Variants in FAAP20 observed in about 807,000 individuals in gnomAD.
The protein encoded by FAAP20 is FA core complex associated protein 20.
Under a neutral mutation model 16.2 loss-of-function variants are expected in FAAP20, and 12 were observed. The observed-to-expected ratio is 0.74, with a 90% CI of 0.48 to 1.20. The LOEUF (loss-of-function observed/expected upper bound fraction) is 1.20. Among genes scored for constraint, FAAP20 ranks in the 50% most tolerant of loss-of-function variants. The pLI, the probability that FAAP20 is intolerant of heterozygous loss-of-function variation, is 0.00. For missense variants in FAAP20, 288 were observed against 245.8 expected, an observed-to-expected ratio of 1.17 and a Z score of -1.15; for synonymous variants, 141 against 110.7, an observed-to-expected ratio of 1.27 and a Z score of -1.72.
upstream of FAAP20, chr1:2,198,254 A>G: frequency 3.7e-6 from 4 of 1,091,834 alleles, no homozygotes; most frequent in Non-Finnish European, 4.8e-6. Context: ...GGGAGTTTGC[A>G]TCCCAGGCAG....
chr1:2,185,569 G>T, downstream of FAAP20: 1 of 708,996 alleles, frequency 1.4e-6, no homozygotes, highest in Non-Finnish European at 2.6e-6. Context: ...GTAAGTTCCT[G>T]TTGTTCTTCC....
At chr1:2,194,459 G>T (rs1201145702) in intron 1 of FAAP20, among the ~76,000 whole-genome samples, 4 of 143,948 alleles carry the variant, frequency 2.8e-5, no homozygotes, top group African/African-American at 1.0e-4. Flanking sequence ...ACGCGATGAT[G>T]GGAGAGGCGC....
At chr1:2,192,015 G>A (rs1227104768) in intron 3 of FAAP20, 17 of 985,406 alleles carry the variant, frequency 1.7e-5, no homozygotes, top group Non-Finnish European at 1.9e-5. Context: ...AGAAATGGGA[G>A]GCCTCCTGGC....
upstream of FAAP20, among the ~76,000 whole-genome samples, chr1:2,201,818 C>A (rs1217385748): frequency 6.6e-6 from 1 of 151,950 alleles, no homozygotes; most frequent in African/African-American, 2.4e-5. Flanking sequence ...GAGCTTGAGA[C>A]CATCTTGGCT....
At chr1:2,211,290 C>G (rs1166843847), downstream of FAAP20, among the ~76,000 whole-genome samples, 1 of 132,256 alleles carries the variant, frequency 7.6e-6, no homozygotes, top group Non-Finnish European at 1.6e-5. Flanking sequence ...AGTGCAGTCG[C>G]GCGATCTCGG....
At chr1:2,207,164 A>C (rs1689289237) in intron 1 of FAAP20, among the ~76,000 whole-genome samples, 1 of 152,114 alleles carries the variant, frequency 6.6e-6, no homozygotes, top group African/African-American at 2.4e-5. Flanking sequence ...TGCCTGGCCC[A>C]AGGGAGCTGG....
chr1:2,189,084 C>G (rs1288109374), downstream of FAAP20, among the ~76,000 whole-genome samples: 2 of 151,242 alleles, frequency 1.3e-5, no homozygotes, highest in Non-Finnish European at 2.9e-5. Context: ...AATCCCAGCA[C>G]TTCAGGAAGC....
At chr1:2,190,788 G>C (rs1487942808) in intron 3 of FAAP20, 1 of 259,420 alleles carries the variant, frequency 3.9e-6, no homozygotes, top group Admixed American at 4.7e-5. Flanking sequence ...AAGTCCACAG[G>C]ACACGTGTCC....
At position 2,193,716 on chromosome 1, in the gene FAAP20, C is replaced by G; in HGVS notation, c.393G>C (p.Arg131Ser). ...CCTCCACAGACGGCTGCTGCTCCAC[C>G]CTGGGGGCCCTGCAGGGATCAGGTG... Reference protein sequence around the residue: ...RPAPDPCRAPRVEQQPSVEGA... With the variant: ...RPAPDPCRAPSVEQQPSVEGA... The change falls in exon 3 of 4, where the codon AGG (arginine) becomes AGC (serine). Residue 131 changes from arginine (R) to serine (S), a missense_variant. Arg to Ser is a moderately radical substitution (Grantham distance 110, BLOSUM62 -1). Coordinates refer to ENST00000378546, the MANE Select transcript of FAAP20 (RefSeq NM_182533.4). The G allele has an allele frequency of 6.3e-7, 1 of 1,590,054 alleles. No homozygotes were observed. The highest frequency in any genetic ancestry group is 8.5e-7 in the Non-Finnish European group (1 of 1,172,460).
At chr1:2,194,260 C>A in intron 1 of FAAP20, 127 bp from the exon 2 acceptor site, 3 of 1,041,340 alleles carry the variant, frequency 2.9e-6, no homozygotes, top group African/African-American at 2.1e-5. Flanking sequence ...TTCGATGGTG[C>A]GGGAGGTGGC....
At chr1:2,192,483 T>C in intron 3 of FAAP20, 1 of 997,928 alleles carries the variant, frequency 1.0e-6, no homozygotes, top group South Asian at 4.3e-5. Context: ...GAAGTCTTTT[T>C]TTAGACTATC....
chr1:2,186,064 G>T (rs1687547661), downstream of FAAP20: 1 of 453,936 alleles, frequency 2.2e-6, no homozygotes, highest in African/African-American at 2.0e-5. Flanking sequence ...GCTGCCAGCT[G>T]CCAGGTGTCA....
chr1:2,202,029 A>C (rs190599264), upstream of FAAP20, among the ~76,000 whole-genome samples: 575 of 152,028 alleles, frequency 3.8e-3, 17 homozygotes, highest in East Asian at 0.081. Context: ...AAAAAAAAAA[A>C]AAAGAAGAAG....
At chr1:2,184,782 G>A, downstream of FAAP20, 1 of 1,441,620 alleles carries the variant, frequency 6.9e-7, no homozygotes, top group Non-Finnish European at 9.5e-7. Flanking sequence ...TGGTGACCCA[G>A]CCTGCCCTTG....
upstream of FAAP20, among the ~76,000 whole-genome samples, chr1:2,202,016 CAA>C (rs759592309): frequency 2.6e-4 from 16 of 61,794 alleles, no homozygotes; most frequent in Admixed American, 3.7e-4. Flanking sequence ...GACTCTGTCT[CAA>C]AAAAAAAAAA....
upstream of FAAP20, among the ~76,000 whole-genome samples, chr1:2,196,905 G>A (rs1688850447): frequency 6.6e-6 from 1 of 152,082 alleles, no homozygotes; most frequent in African/African-American, 2.4e-5. This position sits in a 1 kb window ranked among gnomAD's most constrained non-coding sequence, Gnocchi z 4.5. Context: ...TCTCTGTGCC[G>A]TGCTGGGGGT....
downstream of FAAP20, chr1:2,185,004 G>A (rs1173234530): frequency 6.2e-7 from 1 of 1,612,330 alleles, no homozygotes. Context: ...CGAGGAGTCG[G>A]TGTGAGGCCG....
chr1:2,198,806 A>G (rs1455013766), upstream of FAAP20: 4 of 1,289,686 alleles, frequency 3.1e-6, no homozygotes, highest in Admixed American at 6.9e-5. Flanking sequence ...GCAGCCAGGA[A>G]CTGGGCTGTG....
At chr1:2,190,663 C>A (rs1343723688) in intron 3 of FAAP20, 2 of 340,114 alleles carry the variant, frequency 5.9e-6, no homozygotes, top group South Asian at 2.2e-5. Context: ...GCTGAGTGGG[C>A]GGCTTCAGCC....
Sources: gnomAD v4.1 joint callset for allele counts (sites outside exome capture counted in the v4.1 genomes callset) on GRCh38, gnomAD v4.1.1 for gene constraint, Gnocchi (gnomAD v3.1) non-coding constraint, MANE v1.5 for transcripts, NCBI Gene and HGNC (gene_info 2026-07-23, HGNC 2026-07-21) for gene names.